Variants in NRXN1 observed in about 807,000 individuals in gnomAD.
NRXN1 encodes neurexin-1.
Under a neutral mutation model 150.9 loss-of-function variants are expected in NRXN1, and 39 were observed. The ratio of observed to expected loss-of-function variants is 0.26; its 90% CI spans 0.20 to 0.34. NRXN1 has a LOEUF of 0.34. Ranked by LOEUF, NRXN1 falls within the 10% of genes least tolerant of loss-of-function variation. The pLI, the probability that NRXN1 is intolerant of heterozygous loss-of-function variation, is 1.00. For missense variants in NRXN1, 1,815 were observed against 1,949.9 expected, an observed-to-expected ratio of 0.93 and a Z score of 1.30; for synonymous variants, 924 against 757.0, an observed-to-expected ratio of 1.22 and a Z score of -3.62.
intron 18 of NRXN1, among the ~76,000 whole-genome samples, chr2:50,198,020 C>A (rs527302906): frequency 1.3e-5 from 2 of 152,252 alleles, no homozygotes; most frequent in African/African-American, 4.8e-5. Flanking sequence ...CTCAAGACAA[C>A]TCCCTCCTTA....
chr2:50,761,929 A>G (rs1701849272), intron 5 of NRXN1, among the ~76,000 whole-genome samples: 1 of 151,760 alleles, frequency 6.6e-6, no homozygotes, highest in African/African-American at 2.4e-5. Context: ...GACCTACATC[A>G]TTGGTTTGCC....
At chr2:50,888,759 G>C (rs892370609) in intron 5 of NRXN1, among the ~76,000 whole-genome samples, 3 of 151,570 alleles carry the variant, frequency 2.0e-5, no homozygotes, top group African/African-American at 7.2e-5. Flanking sequence ...CAATAATGCA[G>C]GTACTCAATT....
chr2:50,031,287 T>C (rs1369746404), intron 21 of NRXN1, among the ~76,000 whole-genome samples: 1 of 152,040 alleles, frequency 6.6e-6, no homozygotes, highest in African/African-American at 2.4e-5. Flanking sequence ...ACTGCTAATC[T>C]TGGTGTGTTT....
At chr2:49,964,183 A>C (rs565115042) in intron 21 of NRXN1, among the ~76,000 whole-genome samples, 2 of 152,344 alleles carry the variant, frequency 1.3e-5, no homozygotes, top group East Asian at 3.9e-4. Flanking sequence ...TTTACGCTCC[A>C]AACTGCTGGT....
chr2:50,000,522 A>G (rs1683738390), intron 21 of NRXN1, among the ~76,000 whole-genome samples: 1 of 152,162 alleles, frequency 6.6e-6, no homozygotes, highest in African/African-American at 2.4e-5. Flanking sequence ...TGAAATTCAG[A>G]ATGCACTCAA....
At chr2:50,399,134 G>C (rs1055573780) in intron 17 of NRXN1, among the ~76,000 whole-genome samples, 3 of 152,004 alleles carry the variant, frequency 2.0e-5, no homozygotes, top group African/African-American at 4.8e-5. Context: ...GATTTTAAAG[G>C]GTTGAGTTTT....
chr2:50,208,503 T>C (rs1002862088), intron 18 of NRXN1, among the ~76,000 whole-genome samples: 2 of 152,128 alleles, frequency 1.3e-5, no homozygotes, highest in African/African-American at 4.8e-5. Flanking sequence ...AAAGGGGATA[T>C]AGCTTTTCTT....
intron 17 of NRXN1, among the ~76,000 whole-genome samples, chr2:50,414,283 A>G (rs2083387073): frequency 6.6e-6 from 1 of 152,102 alleles, no homozygotes; most frequent in Non-Finnish European, 1.5e-5. Context: ...TTCACATTGC[A>G]TATCTTTACG....
chr2:50,811,907 C>A (rs540655574), intron 5 of NRXN1, among the ~76,000 whole-genome samples: 80 of 152,100 alleles, frequency 5.3e-4, no homozygotes, highest in African/African-American at 1.9e-3. Flanking sequence ...AAATGTGGCT[C>A]CATATTATGT....
intron 2 of NRXN1, among the ~76,000 whole-genome samples, chr2:50,981,526 G>A (rs1252795521): frequency 6.7e-6 from 1 of 148,720 alleles, no homozygotes; most frequent in Non-Finnish European, 1.5e-5. Context: ...TATTCATTGT[G>A]GAAGATTGTC....
At chr2:50,315,350 G>C (rs2075515321) in intron 17 of NRXN1, among the ~76,000 whole-genome samples, 1 of 152,070 alleles carries the variant, frequency 6.6e-6, no homozygotes. Flanking sequence ...CTAAAGAAGG[G>C]AGACAATGGA....
At chr2:50,859,196 G>A (rs572238896) in intron 5 of NRXN1, among the ~76,000 whole-genome samples, 1 of 151,732 alleles carries the variant, frequency 6.6e-6, no homozygotes, top group African/African-American at 2.4e-5. Context: ...CCTGGCTCTG[G>A]GTCCAGGAAA....
At chr2:50,402,828 C>T (rs2082483990) in intron 17 of NRXN1, among the ~76,000 whole-genome samples, 1 of 152,066 alleles carries the variant, frequency 6.6e-6, no homozygotes, top group Non-Finnish European at 1.5e-5. Flanking sequence ...TAAGCCTCAA[C>T]TCCTCCCTGT....
chr2:50,362,712 T>C (rs1015224924), intron 17 of NRXN1, among the ~76,000 whole-genome samples: 12 of 152,082 alleles, frequency 7.9e-5, no homozygotes, highest in African/African-American at 1.9e-4. Context: ...CAAGCTACCA[T>C]TGACTTCCTT....
chr2:51,004,537 G>A (rs975433613), intron 2 of NRXN1, among the ~76,000 whole-genome samples: 3 of 151,906 alleles, frequency 2.0e-5, no homozygotes, highest in African/African-American at 4.8e-5. Flanking sequence ...AGCATTTGTA[G>A]GAGGCTGAGA....
intron 21 of NRXN1, among the ~76,000 whole-genome samples, chr2:49,994,663 C>G (rs776235149): frequency 1.4e-4 from 22 of 152,140 alleles, no homozygotes; most frequent in African/African-American, 2.2e-4. Context: ...GAAACAAAGA[C>G]AGAACATGGT....
chr2:50,743,682 G>C (rs1014780077), intron 5 of NRXN1, among the ~76,000 whole-genome samples: 1 of 152,062 alleles, frequency 6.6e-6, no homozygotes, highest in Admixed American at 6.5e-5. Context: ...TAACCATCAC[G>C]TGATCTTTTA....
intron 21 of NRXN1, among the ~76,000 whole-genome samples, chr2:49,962,366 A>T (rs1446104954): frequency 6.6e-6 from 1 of 152,052 alleles, no homozygotes; most frequent in Non-Finnish European, 1.5e-5. Flanking sequence ...GGATTTTTTT[A>T]AATTGAGAAT....
intron 8 of NRXN1, among the ~76,000 whole-genome samples, chr2:50,590,070 C>G (rs1274173500): frequency 1.3e-5 from 2 of 152,080 alleles, no homozygotes; most frequent in African/African-American, 4.8e-5. Context: ...GTTCATTGCT[C>G]AAGTATGAAG....
Sources: allele counts gnomAD v4.1 joint callset (sites outside exome capture counted in the v4.1 genomes callset), GRCh38; gene constraint gnomAD v4.1.1; transcripts MANE v1.5; gene names NCBI Gene and HGNC (gene_info 2026-07-23, HGNC 2026-07-21).